ARHGEF38: variants seen among roughly 807,000 people sequenced by gnomAD.
ARHGEF38 encodes the protein Rho guanine nucleotide exchange factor 38.
A neutral mutation model predicts 79.9 loss-of-function variants in ARHGEF38; 79 were observed. That is an observed-to-expected ratio of 0.99 (90% CI 0.82 to 1.19). The LOEUF is 1.19. Among genes scored for constraint, ARHGEF38 ranks in the 50% most tolerant of loss-of-function variants. The pLI, the probability that ARHGEF38 is intolerant of heterozygous loss-of-function variation, is 0.00. For synonymous variants in ARHGEF38, 366 were observed against 328.3 expected (o/e 1.11, Z -1.24); for missense variants, 962 against 907.2 (o/e 1.06, Z -0.78).
Position 105,667,284 on chromosome 4 carries a change from A to G in ARHGEF38, c.1845A>G (p.Lys615=), listed in dbSNP as rs762221395. 4 of 1,536,214 alleles carry G rather than the reference A, an allele frequency of 2.6e-6. No homozygotes were observed. The South Asian group carries it at 4.8e-5, about 18-fold the overall frequency. The part of the protein sequence containing the change: ...EGDLVAVIEQ[K]DPLGSTSRWL... ...ACTTGGTGGCTGTGATAGAACAGAA[A>G]GATCCACTGGGGAGTACAAGCAGGT... The change falls in exon 12 of 14, where the codon AAA becomes AAG. Residue 615 remains lysine (K), a synonymous_variant. Coordinates refer to ENST00000420470, the MANE Select transcript of ARHGEF38 (RefSeq NM_001242729.2).
At chr4:105,592,577 C>T (rs1293632541) in intron 2 of ARHGEF38, among the ~76,000 whole-genome samples, 4 of 152,158 alleles carry the variant, frequency 2.6e-5, no homozygotes, top group African/African-American at 9.7e-5. Flanking sequence ...CCTGCAACAA[C>T]TTACTCGAGT....
At chr4:105,585,782 A>G (rs1727013340) in intron 1 of ARHGEF38, among the ~76,000 whole-genome samples, 1 of 114,864 alleles carries the variant, frequency 8.7e-6, no homozygotes, top group Admixed American at 1.3e-4. Flanking sequence ...CCCAGGCTGA[A>G]GTGCAATGGC....
At chr4:105,634,847 T>A (rs1463886864) in intron 4 of ARHGEF38, among the ~76,000 whole-genome samples, 1 of 152,138 alleles carries the variant, frequency 6.6e-6, no homozygotes, top group African/African-American at 2.4e-5. Flanking sequence ...CTTCTAGTCA[T>A]CTGGGCACTT....
chr4:105,622,062 C>T (rs908764816), intron 3 of ARHGEF38, among the ~76,000 whole-genome samples: 6 of 152,112 alleles, frequency 3.9e-5, no homozygotes, highest in African/African-American at 1.4e-4. Flanking sequence ...TTCCAGTCTC[C>T]TGAGCGGGGT....
chr4:105,650,058 T>C (rs769360011), intron 7 of ARHGEF38, among the ~76,000 whole-genome samples: 2 of 152,222 alleles, frequency 1.3e-5, no homozygotes, highest in African/African-American at 2.4e-5. Flanking sequence ...ACATAGTGTG[T>C]AAGCACTCAA....
At chr4:105,604,439 CCTT>C (rs1240452796) in intron 2 of ARHGEF38, among the ~76,000 whole-genome samples, 4 of 152,278 alleles carry the variant, frequency 2.6e-5, no homozygotes, top group African/African-American at 7.2e-5. Context: ...TCTGTTTCAG[CCTT>C]CTTTTTTCCT....
intron 10 of ARHGEF38, among the ~76,000 whole-genome samples, chr4:105,665,406 A>G (rs1578361881): frequency 6.6e-6 from 1 of 151,926 alleles, no homozygotes; most frequent in African/African-American, 2.4e-5. Context: ...CTGAGGCAGG[A>G]GAATCACTTG....
At chr4:105,655,243 A>G (rs1730273437) in intron 8 of ARHGEF38, among the ~76,000 whole-genome samples, 1 of 152,202 alleles carries the variant, frequency 6.6e-6, no homozygotes, top group African/African-American at 2.4e-5. Flanking sequence ...TCTTAAAGAG[A>G]GCATTAAATT....
At chr4:105,664,209 A>C (rs1235884612) in intron 10 of ARHGEF38, among the ~76,000 whole-genome samples, 1 of 152,200 alleles carries the variant, frequency 6.6e-6, no homozygotes, top group Non-Finnish European at 1.5e-5. Context: ...GAAGAATTCA[A>C]AGCTCTATTT....
chr4:105,606,366 A>G (rs1728041149), intron 2 of ARHGEF38, among the ~76,000 whole-genome samples: 1 of 152,022 alleles, frequency 6.6e-6, no homozygotes, highest in Non-Finnish European at 1.5e-5. Context: ...TTAAATATAT[A>G]TGTCATGCAC....
At chr4:105,623,099 G>A (rs1323260085) in intron 3 of ARHGEF38, among the ~76,000 whole-genome samples, 1 of 152,130 alleles carries the variant, frequency 6.6e-6, no homozygotes, top group Non-Finnish European at 1.5e-5. Flanking sequence ...ATCAAACACT[G>A]GGCATAACCC....
rs756884590 is a variant in ARHGEF38 at position 105,677,875 on chromosome 4, G to A, written c.2272G>A (p.Glu758Lys). Residue 758 changes from glutamate to lysine, a missense_variant, in exon 14 of 14, where the codon GAA (glutamate) becomes AAA (lysine). Coordinates refer to ENST00000420470, the MANE Select transcript of ARHGEF38 (RefSeq NM_001242729.2). The part of the protein sequence containing the change: ...LSGNKEWWLA[E>K]AQGQKGYVPA... Reference sequence around the variant, plus strand: ...TGGCAATAAAGAGTGGTGGTTAGCTGAAGCTCAAGGGCAGAAAGGATACGT... The same window carrying A: ...TGGCAATAAAGAGTGGTGGTTAGCTAAAGCTCAAGGGCAGAAAGGATACGT... 5.2e-6 allele frequency: 8 copies of A among 1,534,972 alleles called. 1 individual carries two copies. In the East Asian group the frequency reaches 7.3e-5, roughly 14 times the overall value.
At chr4:105,557,672 C>T (rs961802786) in intron 1 of ARHGEF38, among the ~76,000 whole-genome samples, 7 of 151,472 alleles carry the variant, frequency 4.6e-5, no homozygotes, top group African/African-American at 1.7e-4. Context: ...AAGAAGGTGG[C>T]CATGTGCAAA....
rs969814585 is a variant in ARHGEF38, at chr4:105,631,404, T to C, written c.656+359T>C. The C allele has an allele frequency of 2.4e-5, 24 of 992,950 alleles. No individual in the cohort carries two copies. The African/African-American group carries it at 4.2e-4, about 17-fold the overall frequency. 61.5% of individuals were successfully genotyped at this position (992,950 alleles called of 1,614,324 possible). On this transcript the variant is annotated intron_variant, in intron 4 of 13. Transcript: ENST00000420470. ...AGATAACACGTGGCCCCATGACCACTGGAGCACATGGGTTAATGGAGTTAG... is the reference window on the plus strand; with the variant it reads ...AGATAACACGTGGCCCCATGACCACCGGAGCACATGGGTTAATGGAGTTAG...
intron 1 of ARHGEF38, among the ~76,000 whole-genome samples, chr4:105,556,796 G>A (rs1725272418): frequency 6.6e-6 from 1 of 152,112 alleles, no homozygotes. Flanking sequence ...AGACACCATG[G>A]CCTGAAATAA....
At chr4:105,586,944 C>G (rs2110451788) in intron 1 of ARHGEF38, among the ~76,000 whole-genome samples, 1 of 134,552 alleles carries the variant, frequency 7.4e-6, no homozygotes, top group South Asian at 2.7e-4. Context: ...TATAATACAT[C>G]AAAATATTAT....
chr4:105,667,766 C>T (rs1036277171), intron 13 of ARHGEF38, 63 bp downstream of exon 13: 13 of 1,500,686 alleles, frequency 8.7e-6, no homozygotes, highest in African/African-American at 1.4e-5. Flanking sequence ...CTCTACTGTA[C>T]TCTATAATAC....
intron 10 of ARHGEF38, among the ~76,000 whole-genome samples, chr4:105,660,743 G>A (rs1277028608): frequency 2.0e-5 from 3 of 152,054 alleles, no homozygotes; most frequent in African/African-American, 7.2e-5. Flanking sequence ...CCCAGCCTGA[G>A]CTTCCTAATT....
At chr4:105,582,401 C>T (rs943399470) in intron 1 of ARHGEF38, among the ~76,000 whole-genome samples, 10 of 151,382 alleles carry the variant, frequency 6.6e-5, no homozygotes, top group African/African-American at 1.2e-4. Flanking sequence ...GTAAGCAGTG[C>T]TTTACCTACA....
Sources: gnomAD v4.1 joint callset for allele counts (sites outside exome capture counted in the v4.1 genomes callset) on GRCh38, gnomAD v4.1.1 for gene constraint, MANE v1.5 for transcripts, NCBI Gene and HGNC (gene_info 2026-07-23, HGNC 2026-07-21) for gene names.